E2F3: variants seen among roughly 807,000 people sequenced by gnomAD.
E2F3 encodes the protein transcription factor E2F3.
In E2F3, 11 loss-of-function variants were observed where a neutral mutation model predicts 44.4. The ratio of observed to expected loss-of-function variants is 0.25; its 90% CI spans 0.16 to 0.41. E2F3 has a LOEUF of 0.41. Ranked by LOEUF, E2F3 falls within the 10% of genes least tolerant of loss-of-function variation. The pLI is 1.00. For synonymous variants in E2F3, 249 were observed against 253.0 expected (o/e 0.98, Z 0.15); for missense variants, 487 against 583.6 (o/e 0.83, Z 1.70).
At chr6:20,427,248 C>T (rs1760246912) in intron 1 of E2F3, among the ~76,000 whole-genome samples, 1 of 152,184 alleles carries the variant, frequency 6.6e-6, no homozygotes, top group South Asian at 2.1e-4. Flanking sequence ...ACTCCTACAG[C>T]GCCTTCTTAC....
intron 1 of E2F3, among the ~76,000 whole-genome samples, chr6:20,441,698 C>A (rs1209548534): frequency 6.6e-6 from 1 of 151,402 alleles, no homozygotes; most frequent in African/African-American, 2.4e-5. Flanking sequence ...CCTCAACCTC[C>A]TAAGTAGCTG....
At chr6:20,403,842 C>T (rs893466122) in intron 1 of E2F3, 3 of 1,464,224 alleles carry the variant, frequency 2.0e-6, no homozygotes, top group Non-Finnish European at 2.7e-6. Flanking sequence ...GGTTAGTGAC[C>T]GGGACGGCTC....
At chr6:20,489,704 G>T (rs1214616148) in intron 6 of E2F3, among the ~76,000 whole-genome samples, 1 of 151,974 alleles carries the variant, frequency 6.6e-6, no homozygotes. Flanking sequence ...GCCAGGCATG[G>T]TGGCTCACAC....
At chr6:20,409,255 G>T (rs1759590090) in intron 1 of E2F3, among the ~76,000 whole-genome samples, 1 of 152,036 alleles carries the variant, frequency 6.6e-6, no homozygotes, top group African/African-American at 2.4e-5. Flanking sequence ...TGGCTGTGGG[G>T]GTAATGACTT....
At chr6:20,456,313 TAA>T (rs76985100) in intron 1 of E2F3, among the ~76,000 whole-genome samples, 16 of 136,926 alleles carry the variant, frequency 1.2e-4, no homozygotes, top group Admixed American at 7.3e-5. Flanking sequence ...GTCCCCCAGT[TAA>T]AAAAAAAAAA....
At chr6:20,438,913 G>A (rs1407673682) in intron 1 of E2F3, among the ~76,000 whole-genome samples, 2 of 152,180 alleles carry the variant, frequency 1.3e-5, no homozygotes, top group African/African-American at 4.8e-5. Context: ...CTAACTGCAT[G>A]TTAGAATGGT....
chr6:20,446,099 G>A (rs904932376), intron 1 of E2F3, among the ~76,000 whole-genome samples: 2 of 152,138 alleles, frequency 1.3e-5, no homozygotes, highest in African/African-American at 4.8e-5. Flanking sequence ...TGGGGAAAAC[G>A]TGGAAACTCC....
intron 1 of E2F3, among the ~76,000 whole-genome samples, chr6:20,407,859 G>A (rs1342480380): frequency 2.6e-5 from 4 of 152,220 alleles, no homozygotes; most frequent in African/African-American, 9.6e-5. Flanking sequence ...TAACTAGGAT[G>A]AGTCAAAATC....
intron 1 of E2F3, among the ~76,000 whole-genome samples, chr6:20,432,792 G>A (rs982602299): frequency 2.0e-5 from 3 of 152,162 alleles, no homozygotes; most frequent in Non-Finnish European, 2.9e-5. Flanking sequence ...CCAGGGTGTG[G>A]TATGGCCAGG....
rs1328442060 is a variant in E2F3, at chr6:20,405,792, T to C, written c.393+3167T>C. On this transcript the variant is annotated intron_variant, in intron 1 of 6. Coordinates refer to ENST00000346618, the MANE Select transcript of E2F3 (RefSeq NM_001949.5). The stretch of plus-strand genomic sequence containing the variant: ...GAGCTGAGATCCCGCCACTGCACTC[T>C]AGCCTGGCGGCAGAGCGAGATTCCG... Among the ~76,000 whole-genome samples the C allele has an allele frequency of 2.0e-5, 3 of 152,000 alleles. No homozygotes were observed. The East Asian group carries it at 5.9e-4, about 30-fold the overall frequency.
chr6:20,435,635 C>G (rs1463519022), intron 1 of E2F3, among the ~76,000 whole-genome samples: 1 of 152,094 alleles, frequency 6.6e-6, no homozygotes, highest in Non-Finnish European at 1.5e-5. Context: ...CCTGTAGTCC[C>G]AGCTACTTGG....
At chr6:20,415,746 G>A (rs1445932286) in intron 1 of E2F3, among the ~76,000 whole-genome samples, 3 of 152,188 alleles carry the variant, frequency 2.0e-5, no homozygotes, top group African/African-American at 4.8e-5. Context: ...CCCCAGAACT[G>A]GGATCCACTG....
chr6:20,444,690 G>C (rs1760882946), intron 1 of E2F3, among the ~76,000 whole-genome samples: 1 of 152,132 alleles, frequency 6.6e-6, no homozygotes. Flanking sequence ...TCAGAAGCAA[G>C]ATCCTTGGAA....
At position 20,402,732 on chromosome 6, in the gene E2F3, C is replaced by T. The variant is rs1001499314; in HGVS notation, c.393+107C>T. The T allele has an allele frequency of 3.4e-5, 43 of 1,251,696 alleles. No homozygotes were observed. Among genetic ancestry groups the T allele is most frequent in the East Asian group, 6.5e-5 (2 of 30,736 alleles). 77.5% of individuals were successfully genotyped at this position (1,251,696 alleles called of 1,614,324 possible). A position where few individuals can be genotyped will look rare whatever the true frequency, so the allele number is the denominator to read the frequency against. On this transcript the variant is annotated intron_variant, in intron 1 of 6. Transcript: ENST00000346618. The surrounding 1 kb of genome is among the most constrained non-coding windows in gnomAD (Gnocchi z 5.6). ...CGCTCGGGGAGAGCACTGGGCCGAG[C>T]ATCGTGGGCCTCGGGGGCTGCCCCT...
chr6:20,402,471 C>T lies in E2F3; in HGVS notation c.239C>T (p.Ala80Val). 3 of 1,609,526 alleles carry T rather than the reference C, an allele frequency of 1.9e-6. No individual in the cohort carries two copies. The highest frequency in any genetic ancestry group is 2.5e-6 in the Non-Finnish European group (3 of 1,179,360). Residue 80 changes from alanine to valine, a missense_variant, in exon 1 of 7, where the codon GCC (alanine) becomes GTC (valine). Around this residue, in one of 3 missense-constraint regions of E2F3, gnomAD observed 238 missense variants for 236.0 expected, o/e 1.01. Coordinates refer to ENST00000346618, the MANE Select transcript of E2F3 (RefSeq NM_001949.5). The surrounding 1 kb of genome is among the most constrained non-coding windows in gnomAD (Gnocchi z 5.6). ...TCCTCCCTCCAAAGCGGCGCCGTAG[C>T]CGCCGGCCCCCTCCTCCCCAGTGCC... ...CSSSLQSGAV[A>V]AGPLLPSAPG...
Position 20,402,894 on chromosome 6 carries a change from C to T in E2F3, c.393+269C>T, listed in dbSNP as rs924084184. On this transcript the variant is annotated intron_variant, in intron 1 of 6. Transcript: ENST00000346618. This position sits in a 1 kb window ranked among gnomAD's most constrained non-coding sequence, Gnocchi z 5.6. ...ACACTCCAAAACTTTTCGCGGCCCC[C>T]CCTTCTTTTCCTGCACTTTTCCCTA... Among the ~76,000 whole-genome samples, 1 of 152,148 alleles carries T rather than the reference C, an allele frequency of 6.6e-6. No individual in the cohort carries two copies. The highest frequency in any genetic ancestry group is 6.5e-5 in the Admixed American group (1 of 15,286).
chr6:20,482,590 G>GGA (rs796121050), intron 3 of E2F3, among the ~76,000 whole-genome samples, 172 bp from the exon 4 acceptor site: 8 of 135,614 alleles, frequency 5.9e-5, no homozygotes, highest in Non-Finnish European at 7.9e-5. Context: ...CTGTATTTAT[G>GGA]AAAAAAAAAA....
chr6:20,428,886 A>T lies in E2F3; in HGVS notation c.393+26261A>T, dbSNP rs572051146. Among the ~76,000 whole-genome samples, 6 of 152,278 alleles carry T rather than the reference A, an allele frequency of 3.9e-5. No individual in the cohort carries two copies. In the South Asian group the frequency reaches 1.0e-3, roughly 26 times the overall value. On this transcript the variant is annotated intron_variant, in intron 1 of 6. Coordinates refer to ENST00000346618, the MANE Select transcript of E2F3 (RefSeq NM_001949.5). ...AGCTGCCCTACAATGATATTTTTAGAAATTTCTGGGAACTCAAGACTGTCA... is the reference window on the plus strand; with the variant it reads ...AGCTGCCCTACAATGATATTTTTAGTAATTTCTGGGAACTCAAGACTGTCA...
intron 1 of E2F3, among the ~76,000 whole-genome samples, chr6:20,431,565 G>A (rs62398863): frequency 0.015 from 2,215 of 152,208 alleles, 27 homozygotes; most frequent in Admixed American, 0.03. Context: ...GAAGCCAGTG[G>A]ATAAATGGCC....
Sources: allele counts gnomAD v4.1 joint callset (sites outside exome capture counted in the v4.1 genomes callset), GRCh38; gene constraint gnomAD v4.1.1; regional missense constraint gnomAD v4.1.1; non-coding constraint Gnocchi (gnomAD v3.1); transcripts MANE v1.5; gene names NCBI Gene and HGNC (gene_info 2026-07-23, HGNC 2026-07-21).